RELL1: variants seen among roughly 807,000 people sequenced by gnomAD.
RELL1 encodes the protein RELT-like protein 1.
RELL1 carries 10 observed loss-of-function variants against 23.0 expected under a neutral mutation model. That is an observed-to-expected ratio of 0.43 (90% CI 0.27 to 0.74). The LOEUF (loss-of-function observed/expected upper bound fraction) is 0.74. Among genes scored for constraint, RELL1 ranks in the 30% least tolerant of loss-of-function variants. RELL1 has a pLI of 0.19. For synonymous variants in RELL1, 146 were observed against 146.8 expected, an observed-to-expected ratio of 0.99 and a Z score of 0.04; for missense variants, 315 against 364.4, an observed-to-expected ratio of 0.86 and a Z score of 1.10.
At chr4:37,661,895 T>G (rs1309370902) in intron 1 of RELL1, among the ~76,000 whole-genome samples, 1 of 152,164 alleles carries the variant, frequency 6.6e-6, no homozygotes, top group African/African-American at 2.4e-5. Flanking sequence ...AGACAATTCC[T>G]AGACAAACAG....
chr4:37,669,056 G>A (rs1721665617), intron 1 of RELL1, among the ~76,000 whole-genome samples: 1 of 135,968 alleles, frequency 7.4e-6, no homozygotes, highest in Non-Finnish European at 1.6e-5. Context: ...GAGGGAGGTG[G>A]GGGGGTCAGC....
chr4:37,619,201 T>C (rs1719684427), intron 6 of RELL1, among the ~76,000 whole-genome samples: 1 of 142,698 alleles, frequency 7.0e-6, no homozygotes, highest in Admixed American at 7.1e-5. Flanking sequence ...TTTTTTTTTT[T>C]AGAAGGAGCC....
chr4:37,666,571 T>C (rs1477453100), intron 1 of RELL1, among the ~76,000 whole-genome samples: 1 of 152,262 alleles, frequency 6.6e-6, no homozygotes, highest in Non-Finnish European at 1.5e-5. Context: ...AAGCAGTTGC[T>C]ATCCTCACCA....
intron 1 of RELL1, among the ~76,000 whole-genome samples, chr4:37,656,986 TC>T: frequency 6.6e-6 from 1 of 152,266 alleles, no homozygotes; most frequent in South Asian, 2.1e-4. Flanking sequence ...CCAAGAGAAA[TC>T]TTTAGAAAGA....
intron 6 of RELL1, among the ~76,000 whole-genome samples, chr4:37,592,160 G>T (rs1718642429): frequency 6.8e-6 from 1 of 146,226 alleles, no homozygotes; most frequent in African/African-American, 2.5e-5. Flanking sequence ...AGTGAGCTGA[G>T]ATCGTGCCAC....
intron 6 of RELL1, among the ~76,000 whole-genome samples, chr4:37,616,805 G>A (rs543934341): frequency 3.9e-5 from 6 of 152,298 alleles, no homozygotes; most frequent in South Asian, 4.2e-4. Flanking sequence ...TTCTTAGTTA[G>A]AGATTTATCT....
At chr4:37,644,996 C>G (rs1455565931) in intron 3 of RELL1, among the ~76,000 whole-genome samples, 5 of 152,156 alleles carry the variant, frequency 3.3e-5, no homozygotes, top group African/African-American at 9.7e-5. Context: ...GTACGGTGGG[C>G]TTCACTTTAT....
intron 1 of RELL1, among the ~76,000 whole-genome samples, chr4:37,665,576 C>T (rs1032947400): frequency 2.6e-5 from 4 of 152,202 alleles, no homozygotes; most frequent in Middle Eastern, 6.3e-3. Flanking sequence ...CCTAACAGAA[C>T]TGTTCATGTA....
At position 37,611,901 on chromosome 4, in the gene RELL1, C is replaced by T. The variant is rs1172117629; in HGVS notation, c.*1445G>A. ...ATGAGAAGCAGGGTTCTAGGCCGGGCGCAGTGGCTCAAGCCTGTAATCCCA... is the reference window on the plus strand; with the variant it reads ...ATGAGAAGCAGGGTTCTAGGCCGGGTGCAGTGGCTCAAGCCTGTAATCCCA... On this transcript the variant is annotated 3_prime_UTR_variant, in exon 7 of 7. Transcript: ENST00000454158. Among the ~76,000 whole-genome samples, 3 of 151,528 alleles carry T rather than the reference C, an allele frequency of 2.0e-5. No individual in the cohort carries two copies. The highest frequency in any genetic ancestry group is 2.0e-4 in the East Asian group (1 of 5,116).
At chr4:37,598,677 A>G (rs1718940971) in intron 6 of RELL1, among the ~76,000 whole-genome samples, 1 of 151,942 alleles carries the variant, frequency 6.6e-6, no homozygotes, top group African/African-American at 2.4e-5. Flanking sequence ...ACCCAGACTG[A>G]ACAACAAACC....
rs1720409168 is a variant in RELL1 at position 37,638,429 on chromosome 4, G to A, written c.443+18C>T. 1 of 1,594,910 alleles carries A rather than the reference G, an allele frequency of 6.3e-7. No individual in the cohort carries two copies. Among genetic ancestry groups the A allele is most frequent in the African/African-American group, 1.3e-5 (1 of 74,214 alleles). ...ACTGAAAAGATGTCGCACTAAGAAA[G>A]AGGGGAGGAGCACTCACCTTTCAGG... On this transcript the variant is annotated intron_variant, in intron 4 of 6. Coordinates refer to ENST00000454158, the MANE Select transcript of RELL1 (RefSeq NM_001085400.2).
chr4:37,617,362 G>T (rs909525026), intron 6 of RELL1, among the ~76,000 whole-genome samples: 1 of 152,186 alleles, frequency 6.6e-6, no homozygotes, highest in African/African-American at 2.4e-5. Context: ...AATTAAATCC[G>T]CTTCCAAAGG....
chr4:37,590,207 T>G (rs767060843), downstream of RELL1: 1 of 1,614,204 alleles, frequency 6.2e-7, no homozygotes, highest in Non-Finnish European at 8.5e-7. Flanking sequence ...GAAGTCTTGG[T>G]GCAGAAAAAT....
At chr4:37,660,770 G>A (rs367969279) in intron 1 of RELL1, among the ~76,000 whole-genome samples, 7 of 152,264 alleles carry the variant, frequency 4.6e-5, no homozygotes, top group African/African-American at 1.4e-4. Context: ...GGTGGCTCAC[G>A]CCTGTAATCC....
intron 6 of RELL1, among the ~76,000 whole-genome samples, chr4:37,604,816 CACACAGACACACACAT>C (rs1719119709): frequency 8.1e-6 from 1 of 124,000 alleles, no homozygotes; most frequent in Non-Finnish European, 1.7e-5. Flanking sequence ...CACAGACACA[CACACAGACACACACAT>C]ACACACAGAC....
At chr4:37,678,306 G>A (rs1458365353) in intron 1 of RELL1, among the ~76,000 whole-genome samples, 1 of 152,058 alleles carries the variant, frequency 6.6e-6, no homozygotes, top group Non-Finnish European at 1.5e-5. Context: ...CTTCCACCAG[G>A]CCCCACCTCT....
rs1721724252 is a variant in RELL1 at position 37,669,423 on chromosome 4, C to T, written c.88+16777G>A. On this transcript the variant is annotated intron_variant, in intron 1 of 6. Coordinates refer to ENST00000454158, the MANE Select transcript of RELL1 (RefSeq NM_001085400.2). ...GGGAGGGAGGTGGGGGGGTCAGCCC[C>T]CCACCCGGCCAGCCACCCCGTCCGG... Among the ~76,000 whole-genome samples, 3 of 150,052 alleles carry T rather than the reference C, an allele frequency of 2.0e-5. No homozygotes were observed. The South Asian group carries it at 6.3e-4, about 32-fold the overall frequency.
At position 37,612,322 on chromosome 4, in the gene RELL1, TAAA is replaced by T. The variant is rs1553872212; in HGVS notation, c.*1021_*1023del. ...AACCAAGAATCGCTCAGCTAAAGGT[TAAA>T]AAAAAAAAAAAAACAAAAAAAAACA... On this transcript the variant is annotated 3_prime_UTR_variant, in exon 7 of 7. Transcript: ENST00000454158. Among the ~76,000 whole-genome samples, 41 of 83,498 alleles carry T rather than the reference TAAA, an allele frequency of 4.9e-4. No individual in the cohort carries two copies. Among genetic ancestry groups the T allele is most frequent in the African/African-American group, 1.6e-3 (28 of 17,592 alleles). 54.8% of individuals were successfully genotyped at this position (83,498 alleles called of 152,430 possible).
chr4:37,630,371 T>G (rs1720086126), intron 6 of RELL1, among the ~76,000 whole-genome samples: 1 of 140,864 alleles, frequency 7.1e-6, no homozygotes, highest in South Asian at 2.4e-4. Flanking sequence ...TTTTTTTTTT[T>G]TTTTTTTTTT....
Sources: allele counts gnomAD v4.1 joint callset (sites outside exome capture counted in the v4.1 genomes callset), GRCh38; gene constraint gnomAD v4.1.1; transcripts MANE v1.5; gene names NCBI Gene and HGNC (gene_info 2026-07-23, HGNC 2026-07-21).